GNA14: variants seen among roughly 807,000 people sequenced by gnomAD.
GNA14 encodes the protein G protein subunit alpha 14.
In GNA14, 50 loss-of-function variants were observed where a neutral mutation model predicts 42.0. The observed-to-expected ratio is 1.19, with a 90% CI of 0.95 to 1.51. The LOEUF (loss-of-function observed/expected upper bound fraction) is 1.51. GNA14 is among the 40% of genes most tolerant of loss of function. The pLI is 0.00. For missense variants in GNA14, 473 were observed against 446.2 expected, an observed-to-expected ratio of 1.06 and a Z score of -0.54; for synonymous variants, 173 against 163.1, an observed-to-expected ratio of 1.06 and a Z score of -0.46.
At chr9:77,514,877 T>C (rs1457665952) in intron 2 of GNA14, among the ~76,000 whole-genome samples, 1 of 152,176 alleles carries the variant, frequency 6.6e-6, no homozygotes, top group African/African-American at 2.4e-5. Context: ...CCTCCCAAAG[T>C]GCTGGGATTA....
chr9:77,472,245 T>C (rs1443862), intron 2 of GNA14, among the ~76,000 whole-genome samples: 1,525 of 152,288 alleles, frequency 0.01, 34 homozygotes, highest in African/African-American at 0.035. Flanking sequence ...CTTTCTTTGC[T>C]AAGATGTTTT....
rs935730172 is a variant in GNA14 at position 77,526,076 on chromosome 9, A to T, written c.309+2993T>A. On this transcript the variant is annotated intron_variant, in intron 2 of 6. Coordinates refer to ENST00000341700, the MANE Select transcript of GNA14 (RefSeq NM_004297.4). ...ACCATCACACCCGGCTAATTTTTGT[A>T]TTTTTTTTTTTTTTTTTGGAGATGG... 1.2e-4 allele frequency among the ~76,000 whole-genome samples: 15 copies of T among 125,108 alleles called. No homozygotes were observed. In the South Asian group the frequency reaches 1.8e-3, roughly 15 times the overall value. The allele number at this position is 125,108 out of a possible 152,430, so 82.1% of individuals were successfully genotyped here. A position where few individuals can be genotyped will look rare whatever the true frequency, so the allele number is the denominator to read the frequency against.
At chr9:77,581,518 G>C (rs1032433958) in intron 1 of GNA14, among the ~76,000 whole-genome samples, 5 of 152,186 alleles carry the variant, frequency 3.3e-5, no homozygotes, top group African/African-American at 1.2e-4. Flanking sequence ...TGCCACACAT[G>C]ATTGCCCTGG....
chr9:77,592,544 G>C (rs1255366400), intron 1 of GNA14, among the ~76,000 whole-genome samples: 1 of 152,032 alleles, frequency 6.6e-6, no homozygotes, highest in South Asian at 2.1e-4. Context: ...CACCCCTTTG[G>C]GGGAGACAAG....
chr9:77,620,192 G>A (rs1422521426), intron 1 of GNA14, among the ~76,000 whole-genome samples: 1 of 152,050 alleles, frequency 6.6e-6, no homozygotes, highest in Non-Finnish European at 1.5e-5. Flanking sequence ...GGAAACTCAG[G>A]GCTGGAAGGA....
At chr9:77,553,657 A>G (rs1182495974) in intron 1 of GNA14, among the ~76,000 whole-genome samples, 1 of 152,102 alleles carries the variant, frequency 6.6e-6, no homozygotes, top group African/African-American at 2.4e-5. Context: ...GTTAATGGGC[A>G]TATGAGAAAA....
chr9:77,538,329 C>G (rs1305029732), intron 1 of GNA14, among the ~76,000 whole-genome samples: 1 of 152,132 alleles, frequency 6.6e-6, no homozygotes, highest in East Asian at 1.9e-4. Flanking sequence ...CTGCCTTGGC[C>G]TCCAAACATG....
intron 1 of GNA14, among the ~76,000 whole-genome samples, chr9:77,589,977 C>T (rs1823366778): frequency 6.6e-6 from 1 of 152,060 alleles, no homozygotes; most frequent in Non-Finnish European, 1.5e-5. Flanking sequence ...AGTGCAGTGG[C>T]GCAATATCGG....
chr9:77,514,855 C>T (rs1411942927), intron 2 of GNA14, among the ~76,000 whole-genome samples: 5 of 152,056 alleles, frequency 3.3e-5, no homozygotes, highest in South Asian at 4.1e-4. Context: ...CCTTGTGATC[C>T]GCCCACCTCG....
intron 2 of GNA14, among the ~76,000 whole-genome samples, chr9:77,455,879 C>T (rs1835989867): frequency 6.6e-6 from 1 of 152,128 alleles, no homozygotes; most frequent in Non-Finnish European, 1.5e-5. Context: ...TCTTACAATA[C>T]CTGTGTTTCA....
chr9:77,638,623 G>A (rs916312170), intron 1 of GNA14, among the ~76,000 whole-genome samples: 4 of 152,242 alleles, frequency 2.6e-5, no homozygotes, highest in Admixed American at 6.5e-5. Flanking sequence ...ACCAGTGGGA[G>A]AATGACCCTG....
intron 2 of GNA14, among the ~76,000 whole-genome samples, chr9:77,516,138 G>T (rs907304207): frequency 1.3e-5 from 2 of 151,926 alleles, no homozygotes; most frequent in African/African-American, 4.8e-5. Flanking sequence ...CCTTCACAAG[G>T]CAATGGACCA....
At chr9:77,525,296 C>T (rs1007699769) in intron 2 of GNA14, among the ~76,000 whole-genome samples, 4 of 152,172 alleles carry the variant, frequency 2.6e-5, no homozygotes, top group Non-Finnish European at 5.9e-5. Flanking sequence ...CACAGTAGAA[C>T]CATGAGCAAA....
chr9:77,620,093 C>T (rs1393697806), intron 1 of GNA14, among the ~76,000 whole-genome samples: 1 of 151,864 alleles, frequency 6.6e-6, no homozygotes, highest in African/African-American at 2.4e-5. Context: ...TGTGCACACA[C>T]ACACACGTGC....
intron 1 of GNA14, among the ~76,000 whole-genome samples, chr9:77,570,507 A>G (rs1268432041): frequency 6.6e-6 from 1 of 152,200 alleles, no homozygotes; most frequent in Non-Finnish European, 1.5e-5. Flanking sequence ...TTTTGCATGC[A>G]TAACTGGCTT....
rs570624833 is a variant in GNA14, at chr9:77,577,858, C to G, written c.125-48605G>C. The stretch of plus-strand genomic sequence containing the variant: ...GAAGTGAACAAAGAAATCATAAATA[C>G]TCCTATCTCACCATTTAAGAGTTAG... On this transcript the variant is annotated intron_variant, in intron 1 of 6. Coordinates refer to ENST00000341700, the MANE Select transcript of GNA14 (RefSeq NM_004297.4). Among the ~76,000 whole-genome samples, 67 of 152,206 alleles carry G rather than the reference C, an allele frequency of 4.4e-4. 1 individual carries two copies. Among genetic ancestry groups the G allele is most frequent in the African/African-American group, 1.5e-3 (64 of 41,534 alleles).
Position 77,488,422 on chromosome 9 carries a change from A to G in GNA14, c.309+40647T>C, listed in dbSNP as rs550660322. On this transcript the variant is annotated intron_variant, in intron 2 of 6. Coordinates refer to ENST00000341700, the MANE Select transcript of GNA14 (RefSeq NM_004297.4). ...GCATCATGAGCGCCTGAAAAGATAA[A>G]TATCACTGAGGACAGCCAGAAACAA... Among the ~76,000 whole-genome samples, 4 of 152,308 alleles carry G rather than the reference A, an allele frequency of 2.6e-5. No homozygotes were observed. The South Asian group carries it at 6.2e-4, about 24-fold the overall frequency.
At chr9:77,588,335 T>C (rs956557243) in intron 1 of GNA14, among the ~76,000 whole-genome samples, 1 of 152,158 alleles carries the variant, frequency 6.6e-6, no homozygotes, top group Admixed American at 6.5e-5. Context: ...CCACAGAACA[T>C]TAATTGATAA....
intron 2 of GNA14, among the ~76,000 whole-genome samples, chr9:77,520,237 T>C (rs778333258): frequency 6.6e-6 from 1 of 152,186 alleles, no homozygotes; most frequent in African/African-American, 2.4e-5. Flanking sequence ...CTGAATCCCT[T>C]GGCAGGACTC....
Sources: allele counts gnomAD v4.1 joint callset (sites outside exome capture counted in the v4.1 genomes callset), GRCh38; gene constraint gnomAD v4.1.1; transcripts MANE v1.5; gene names NCBI Gene and HGNC (gene_info 2026-07-23, HGNC 2026-07-21).